CENPP: variants seen among roughly 807,000 people sequenced by gnomAD.
The protein encoded by CENPP is centromere protein P.
In CENPP, 24 loss-of-function variants were observed where a neutral mutation model predicts 35.6. That is an observed-to-expected ratio of 0.67 (90% CI 0.49 to 0.95). The LOEUF (loss-of-function observed/expected upper bound fraction) is 0.95, where lower values mean the gene tolerates loss of function less well. Ranked by LOEUF, CENPP falls within the 40% of genes least tolerant of loss-of-function variation. CENPP has a pLI of 0.00. For missense variants in CENPP, 332 were observed against 345.3 expected (o/e 0.96, Z 0.31); for synonymous variants, 120 against 125.5 (o/e 0.96, Z 0.29).
At chr9:92,325,862 G>A (rs1269050369), upstream of CENPP, 6 of 642,674 alleles carry the variant, frequency 9.3e-6, no homozygotes, top group Admixed American at 5.5e-5. Context: ...GGGTCACGCG[G>A]AGCTCTCCCG....
chr9:92,568,681 A>G (rs571746237), intron 5 of CENPP, among the ~76,000 whole-genome samples: 1 of 152,286 alleles, frequency 6.6e-6, no homozygotes, highest in South Asian at 2.1e-4. Context: ...CAATGGTTGA[A>G]CTAGTTTACA....
chr9:92,609,338 CACA>C (rs1156580693), intron 5 of CENPP, among the ~76,000 whole-genome samples: 4 of 152,250 alleles, frequency 2.6e-5, no homozygotes, highest in African/African-American at 9.6e-5. Flanking sequence ...ATTGTCCCCA[CACA>C]ACCTCATTCA....
At chr9:92,442,314 GT>G in intron 5 of CENPP, among the ~76,000 whole-genome samples, 1 of 145,568 alleles carries the variant, frequency 6.9e-6, no homozygotes, top group South Asian at 2.3e-4. Flanking sequence ...AGGAGAATCA[GT>G]TGAATCCGGG....
In CENPP at chr9:92,612,434, G is replaced by A. The variant is rs1297405212; in HGVS notation, c.645-89G>A. 1.9e-5 allele frequency: 19 copies of A among 1,003,534 alleles called. No individual in the cohort carries two copies. In the Admixed American group the frequency reaches 3.4e-4, roughly 18 times the overall value. 62.2% of individuals were successfully genotyped at this position (1,003,534 alleles called of 1,614,324 possible). On this transcript the variant is annotated intron_variant, in intron 6 of 7. Transcript: ENST00000375587. ...TTTCTAGCAGGGGAGCCCAGCATGG[G>A]GAAATGGAGACCAGGTGCGACTCAT...
At chr9:92,396,916 A>C (rs1842915258) in intron 5 of CENPP, among the ~76,000 whole-genome samples, 1 of 152,034 alleles carries the variant, frequency 6.6e-6, no homozygotes, top group African/African-American at 2.4e-5. Flanking sequence ...TGGCTCATAT[A>C]TGTAATCTTG....
At position 92,372,396 on chromosome 9, in the gene CENPP, A is replaced by G. The variant is rs143445082; in HGVS notation, c.468-7367A>G. 2.1e-3 allele frequency among the ~76,000 whole-genome samples: 312 copies of G among 151,860 alleles called. 2 individuals carry two copies. Among genetic ancestry groups the G allele is most frequent in the African/African-American group, 7.2e-3 (297 of 41,418 alleles). Reference sequence around the variant, plus strand: ...ATATATGAGGCTTTGTTCCTGTCATACTGTTGTTTTCTGTTGTTTTATATA... The same window carrying G: ...ATATATGAGGCTTTGTTCCTGTCATGCTGTTGTTTTCTGTTGTTTTATATA... On this transcript the variant is annotated intron_variant, in intron 4 of 7. Transcript: ENST00000375587.
intron 5 of CENPP, among the ~76,000 whole-genome samples, chr9:92,388,413 C>A (rs1050103172): frequency 5.9e-5 from 9 of 152,206 alleles, no homozygotes; most frequent in Non-Finnish European, 1.0e-4. Context: ...CCGCCTGCCT[C>A]ATCCTCCTAA....
At chr9:92,440,070 C>T (rs527663793) in intron 5 of CENPP, among the ~76,000 whole-genome samples, 9 of 152,240 alleles carry the variant, frequency 5.9e-5, no homozygotes, top group Admixed American at 1.3e-4. Context: ...AGTAGCCTGA[C>T]GAAGTCCTGT....
At chr9:92,606,905 G>A (rs1159787827) in intron 5 of CENPP, among the ~76,000 whole-genome samples, 3 of 152,228 alleles carry the variant, frequency 2.0e-5, no homozygotes, top group Non-Finnish European at 4.4e-5. Context: ...AGAGGCTACA[G>A]TGAGCCAAGA....
chr9:92,470,785 A>G (rs779283967), intron 5 of CENPP: 3 of 1,484,792 alleles, frequency 2.0e-6, no homozygotes, highest in South Asian at 2.4e-5. Flanking sequence ...GTCAAACCTT[A>G]GAAAGAAACA....
chr9:92,397,019 A>T (rs1176120072), intron 5 of CENPP, among the ~76,000 whole-genome samples: 2 of 151,744 alleles, frequency 1.3e-5, no homozygotes, highest in African/African-American at 4.8e-5. Context: ...CTACAAAAAA[A>T]TACAAAAATT....
At chr9:92,514,874 C>T (rs1400876397) in intron 5 of CENPP, 1 of 1,613,566 alleles carries the variant, frequency 6.2e-7, no homozygotes, top group Non-Finnish European at 8.5e-7. Context: ...TCCTCCTCCT[C>T]CTCCCTTCCT....
intron 2 of CENPP, 114 bp downstream of exon 2, chr9:92,332,465 G>C: frequency 1.3e-6 from 1 of 764,718 alleles, no homozygotes; most frequent in Non-Finnish European, 2.0e-6. Context: ...TTGAAAGTAT[G>C]GTTGTGGTAA....
intron 5 of CENPP, among the ~76,000 whole-genome samples, chr9:92,598,556 CTG>C (rs1201092335): frequency 6.6e-6 from 1 of 152,164 alleles, no homozygotes; most frequent in African/African-American, 2.4e-5. Flanking sequence ...TCACCCTGCA[CTG>C]TGTGCACAAG....
intron 5 of CENPP, among the ~76,000 whole-genome samples, chr9:92,567,389 T>TATATAG (rs1554688292): frequency 8.2e-5 from 8 of 98,040 alleles, no homozygotes; most frequent in Non-Finnish European, 1.2e-4. Context: ...TATATATATA[T>TATATAG]ATATATAGAT....
chr9:92,576,060 C>G (rs934887382), intron 5 of CENPP, among the ~76,000 whole-genome samples: 6 of 152,294 alleles, frequency 3.9e-5, no homozygotes, highest in African/African-American at 1.4e-4. Flanking sequence ...CCTATGTTCA[C>G]AGCAGCATTA....
In CENPP at chr9:92,416,072, T is replaced by TATATATATA. The variant is rs368634649; in HGVS notation, c.564+36213_564+36214insATATATATA. ...TATATATGTGTGTATATATATATATTTATTTATTTATTTATTTATTTATTT... is the reference window on the plus strand; with the variant it reads ...TATATATGTGTGTATATATATATATTATATATATATATTTATTTATTTATTTATTTATTT... On this transcript the variant is annotated intron_variant, in intron 5 of 7. Coordinates refer to ENST00000375587, the MANE Select transcript of CENPP (RefSeq NM_001012267.3). 1.1e-3 allele frequency among the ~76,000 whole-genome samples: 143 copies of TATATATATA among 125,394 alleles called. 1 individual carries two copies. The highest frequency in any genetic ancestry group is 6.5e-3 in the South Asian group (26 of 3,998). The allele number at this position is 125,394 out of a possible 152,430, so 82.3% of individuals were successfully genotyped here.
chr9:92,430,293 G>C (rs191982521), intron 5 of CENPP, among the ~76,000 whole-genome samples: 32 of 151,572 alleles, frequency 2.1e-4, no homozygotes, highest in African/African-American at 7.3e-4. Flanking sequence ...ATGACTTCTA[G>C]GAGTTTTTTT....
chr9:92,453,882 G>A (rs371417724), intron 5 of CENPP, among the ~76,000 whole-genome samples: 26 of 152,170 alleles, frequency 1.7e-4, no homozygotes, highest in African/African-American at 6.0e-4. Flanking sequence ...CTACTCTGGA[G>A]TCTGAGACAG....
Sources: gnomAD v4.1 joint callset for allele counts (sites outside exome capture counted in the v4.1 genomes callset) on GRCh38, gnomAD v4.1.1 for gene constraint, MANE v1.5 for transcripts, NCBI Gene and HGNC (gene_info 2026-07-23, HGNC 2026-07-21) for gene names.